Variants in TTLL5 observed in about 807,000 individuals in gnomAD.
TTLL5 encodes the protein tubulin polyglutamylase TTLL5.
TTLL5 carries 132 observed loss-of-function variants against 168.4 expected under a neutral mutation model. The ratio of observed to expected loss-of-function variants is 0.78; its 90% CI spans 0.68 to 0.91. The LOEUF (loss-of-function observed/expected upper bound fraction) is 0.91. Among genes scored for constraint, TTLL5 ranks in the 40% least tolerant of loss-of-function variants. The pLI is 0.00. For synonymous variants in TTLL5, 546 were observed against 558.6 expected (o/e 0.98, Z 0.32); for missense variants, 1,545 against 1,581.5 (o/e 0.98, Z 0.39).
chr14:75,710,399 TACACACACACACACACACACACACAC>T (rs34988364), intron 9 of TTLL5: 1 of 145,904 alleles, frequency 6.9e-6, no homozygotes, highest in Non-Finnish European at 1.5e-5. Flanking sequence ...AAAAAATTTA[TACACACACACACACACACACACACAC>T]ACACACACAC....
chr14:75,667,751 GTTTTT>G (rs67181555), intron 2 of TTLL5, among the ~76,000 whole-genome samples: 1 of 89,084 alleles, frequency 1.1e-5, no homozygotes, highest in Non-Finnish European at 2.0e-5. Context: ...ATCTTTTTAT[GTTTTT>G]TTTTTTTTTT....
chr14:75,704,538 T>G (rs76783315), intron 7 of TTLL5, among the ~76,000 whole-genome samples: 2,603 of 152,298 alleles, frequency 0.017, 91 homozygotes, highest in African/African-American at 0.059. Flanking sequence ...GATGCTGTCT[T>G]AGAAAAGAAA....
intron 7 of TTLL5, among the ~76,000 whole-genome samples, chr14:75,705,386 A>G (rs908572009): frequency 1.3e-5 from 2 of 152,232 alleles, no homozygotes; most frequent in African/African-American, 4.8e-5. Context: ...TATTGAGGGT[A>G]GGAAATGCAT....
intron 15 of TTLL5, among the ~76,000 whole-genome samples, chr14:75,740,165 T>A (rs949670395): frequency 6.6e-6 from 1 of 152,238 alleles, no homozygotes; most frequent in Non-Finnish European, 1.5e-5. Flanking sequence ...CAAATGCTTC[T>A]CTAAAATCCA....
Position 75,669,416 on chromosome 14 carries a change from G to A in TTLL5, c.75G>A (p.Glu25=). 1.9e-6 allele frequency: 3 copies of A among 1,612,172 alleles called. No individual in the cohort carries two copies. Among genetic ancestry groups the A allele is most frequent in the East Asian group, 4.5e-5 (2 of 44,846 alleles). Residue 25 remains glutamate (E), a splice_region_variant and synonymous_variant, in exon 3 of 32, where the codon GAG becomes GAA. Transcript: ENST00000298832. Reference sequence around the variant, plus strand: ...AATGAAGGCTTTTTTGTCGTTATAGGGATCATCCATGCATCATGTGGACTG... The same window carrying A: ...AATGAAGGCTTTTTTGTCGTTATAGAGATCATCCATGCATCATGTGGACTG... ...SSEDEEVISQ[E]DHPCIMWTGG... is the part of the protein sequence containing the mutation.
rs548770276 is a variant in TTLL5 at position 75,730,503 on chromosome 14, A to G, written c.1043-1835A>G. ...TTTTGCAAATTAAATGGAATCCCAT[A>G]TAATTACTATGGAAGCCAACTCATT... On this transcript the variant is annotated intron_variant, in intron 12 of 31. Coordinates refer to ENST00000298832, the MANE Select transcript of TTLL5 (RefSeq NM_015072.5). Among the ~76,000 whole-genome samples, 4 of 152,352 alleles carry G rather than the reference A, an allele frequency of 2.6e-5. No homozygotes were observed. In the East Asian group the frequency reaches 7.7e-4, roughly 29 times the overall value.
intron 28 of TTLL5, among the ~76,000 whole-genome samples, chr14:75,830,703 T>G (rs1380210644): frequency 6.6e-6 from 1 of 152,260 alleles, no homozygotes; most frequent in African/African-American, 2.4e-5. Flanking sequence ...ACTGTTTACT[T>G]TCTATCACTC....
In TTLL5 at chr14:75,704,743, C is replaced by T. The variant is rs532015782; in HGVS notation, c.586-2275C>T. On this transcript the variant is annotated intron_variant, in intron 7 of 31. Transcript: ENST00000298832. The stretch of plus-strand genomic sequence containing the variant: ...GCTGTGCAAAGAAACTATATCCAAA[C>T]CTTTCTTTTCTTCTGGGAGTCTACA... Among the ~76,000 whole-genome samples the T allele has an allele frequency of 2.6e-5, 4 of 152,324 alleles. No individual in the cohort carries two copies. In the South Asian group the frequency reaches 8.3e-4, roughly 32 times the overall value.
intron 1 of TTLL5, among the ~76,000 whole-genome samples, chr14:75,661,790 A>G (rs1426505166): frequency 9.9e-5 from 15 of 152,162 alleles, no homozygotes; most frequent in Non-Finnish European, 1.9e-4. Flanking sequence ...AATCCCGTTG[A>G]GAATCCCCTG....
chr14:75,823,734 G>A (rs1279979867), intron 28 of TTLL5, among the ~76,000 whole-genome samples: 2 of 152,136 alleles, frequency 1.3e-5, no homozygotes, highest in African/African-American at 4.8e-5. Context: ...ACTTTTTTGT[G>A]ATAGGACAAG....
chr14:75,672,133 C>T (rs1416691232), intron 3 of TTLL5, among the ~76,000 whole-genome samples: 1 of 152,198 alleles, frequency 6.6e-6, no homozygotes, highest in African/African-American at 2.4e-5. Flanking sequence ...CCCCCTTCAG[C>T]CTGTTAACGT....
chr14:75,684,413 T>C (rs1253975937), intron 5 of TTLL5: 1 of 152,252 alleles, frequency 6.6e-6, no homozygotes, highest in East Asian at 1.9e-4. Context: ...ATTCTAGTAA[T>C]AGCATAACAA....
At chr14:75,847,004 T>C (rs1303626852) in intron 28 of TTLL5, among the ~76,000 whole-genome samples, 1 of 151,950 alleles carries the variant, frequency 6.6e-6, no homozygotes, top group African/African-American at 2.4e-5. Flanking sequence ...ATACAAGTTC[T>C]ATATTTCTTT....
chr14:75,663,367 G>A lies in TTLL5; in HGVS notation c.74+144G>A. ...ATTCCTTGGGGATTATCTAACTCTG[G>A]TTTTAGCTTCTATCCATAATGTCAT... On this transcript the variant is annotated intron_variant, in intron 2 of 31. Coordinates refer to ENST00000298832, the MANE Select transcript of TTLL5 (RefSeq NM_015072.5). 3 of 820,258 alleles carry A rather than the reference G, an allele frequency of 3.7e-6. No homozygotes were observed. In the South Asian group the frequency reaches 5.5e-5, roughly 15 times the overall value. 50.8% of individuals were successfully genotyped at this position (820,258 alleles called of 1,614,324 possible). A position where few individuals can be genotyped will look rare whatever the true frequency, so the allele number is the denominator to read the frequency against.
chr14:75,842,116 T>C (rs1896292233), intron 28 of TTLL5, among the ~76,000 whole-genome samples: 1 of 152,186 alleles, frequency 6.6e-6, no homozygotes, highest in Non-Finnish European at 1.5e-5. Flanking sequence ...TAGGATAAAC[T>C]CCTAGAAGTG....
At chr14:75,804,530 C>T (rs1270858786) in intron 27 of TTLL5, among the ~76,000 whole-genome samples, 1 of 152,224 alleles carries the variant, frequency 6.6e-6, no homozygotes, top group Non-Finnish European at 1.5e-5. Context: ...CTCTTTCTGC[C>T]TCCTTAGTTT....
At position 75,711,051 on chromosome 14, in the gene TTLL5, T is replaced by C. The variant is rs1887039144; in HGVS notation, c.740+3344T>C. 4 of 152,366 alleles carry C rather than the reference T, an allele frequency of 2.6e-5. No individual in the cohort carries two copies. In the South Asian group the frequency reaches 8.3e-4, roughly 32 times the overall value. 9.4% of individuals were successfully genotyped at this position (152,366 alleles called of 1,614,324 possible). On this transcript the variant is annotated intron_variant, in intron 9 of 31. Coordinates refer to ENST00000298832, the MANE Select transcript of TTLL5 (RefSeq NM_015072.5). ...CAGTTTTGTGATATAAGTTATTTTG[T>C]GTAAAATTTTTTAACACAAAATTAA...
At chr14:75,781,677 G>A (rs936254817) in intron 24 of TTLL5, among the ~76,000 whole-genome samples, 9 of 152,148 alleles carry the variant, frequency 5.9e-5, no homozygotes, top group African/African-American at 1.2e-4. Flanking sequence ...AGTTTAGGCC[G>A]GGCATGGTGG....
chr14:75,783,021 AT>A, intron 25 of TTLL5, 125 bp from the exon 26 acceptor site: 1 of 1,133,604 alleles, frequency 8.8e-7, no homozygotes, highest in Non-Finnish European at 1.2e-6. Context: ...TAAAGTCTGT[AT>A]TTTTCATGAT....
Sources: allele counts gnomAD v4.1 joint callset (sites outside exome capture counted in the v4.1 genomes callset), GRCh38; gene constraint gnomAD v4.1.1; transcripts MANE v1.5; gene names NCBI Gene and HGNC (gene_info 2026-07-23, HGNC 2026-07-21).